Variants in CFAP97 observed in about 807,000 individuals in gnomAD.
CFAP97 encodes cilia and flagella associated protein 97.
CFAP97 carries 36 observed loss-of-function variants against 43.1 expected under a neutral mutation model. The ratio of observed to expected loss-of-function variants is 0.84; its 90% CI spans 0.64 to 1.10. The LOEUF (loss-of-function observed/expected upper bound fraction) is 1.10, where lower values mean the gene tolerates loss of function less well. Among genes scored for constraint, CFAP97 ranks in the 50% least tolerant of loss-of-function variants. CFAP97 has a pLI of 0.00. For missense variants in CFAP97, 657 were observed against 620.3 expected, an observed-to-expected ratio of 1.06 and a Z score of -0.63; for synonymous variants, 228 against 225.7, an observed-to-expected ratio of 1.01 and a Z score of -0.09.
intron 2 of CFAP97, among the ~76,000 whole-genome samples, chr4:185,189,452 C>T (rs1736136632): frequency 6.6e-6 from 1 of 152,110 alleles, no homozygotes; most frequent in African/African-American, 2.4e-5. Flanking sequence ...CTAAAACCCA[C>T]CCAGTATTAT....
intron 1 of CFAP97, among the ~76,000 whole-genome samples, chr4:185,198,885 A>G (rs1329498827): frequency 6.6e-6 from 1 of 152,234 alleles, no homozygotes; most frequent in Non-Finnish European, 1.5e-5. Flanking sequence ...TGACTACAAT[A>G]AACATCAGAT....
At chr4:185,175,397 T>C (rs1735474842) in intron 3 of CFAP97, among the ~76,000 whole-genome samples, 1 of 152,014 alleles carries the variant, frequency 6.6e-6, no homozygotes, top group African/African-American at 2.4e-5. Context: ...TTTCCAAGTA[T>C]CTGGGACCAC....
At chr4:185,163,959 ACATG>A in intron 4 of CFAP97, 66 bp downstream of exon 4, 2 of 1,395,994 alleles carry the variant, frequency 1.4e-6, no homozygotes, top group Non-Finnish European at 2.0e-6. Flanking sequence ...TATCATAATA[ACATG>A]TTACGTTTTT....
chr4:185,182,717 T>C (rs1020871997), intron 2 of CFAP97, among the ~76,000 whole-genome samples: 1 of 152,242 alleles, frequency 6.6e-6, no homozygotes, highest in Non-Finnish European at 1.5e-5. Context: ...CGTCATTCCA[T>C]GCCCTATACT....
At chr4:185,194,031 C>T (rs1218327488) in intron 1 of CFAP97, among the ~76,000 whole-genome samples, 4 of 152,180 alleles carry the variant, frequency 2.6e-5, no homozygotes, top group Non-Finnish European at 4.4e-5. Flanking sequence ...GAAATCTTGT[C>T]TGCCATCTGT....
At position 185,175,889 on chromosome 4, in the gene CFAP97, C is replaced by T. The variant is rs779476520; in HGVS notation, c.1217G>A (p.Gly406Glu). 5.6e-6 allele frequency: 9 copies of T among 1,613,782 alleles called. No homozygotes were observed. In the Admixed American group the frequency reaches 6.7e-5, roughly 12 times the overall value. Reference protein sequence around the residue: ...KELSRQAEKPGSKSTIPRSAD... With the variant: ...KELSRQAEKPESKSTIPRSAD... ...CGATCTAGGAATTGTACTTTTGCTT[C>T]CCGGCTTTTCCGCCTGTCTTGACAG... Residue 406 changes from glycine to glutamate, a missense_variant, in exon 3 of 5, where the codon GGA (glycine) becomes GAA (glutamate). Coordinates refer to ENST00000458385, the MANE Select transcript of CFAP97 (RefSeq NM_020827.3).
At chr4:185,202,474 G>C (rs77598491) in intron 1 of CFAP97, among the ~76,000 whole-genome samples, 4,606 of 152,118 alleles carry the variant, frequency 0.03, 107 homozygotes, top group Middle Eastern at 0.071. Context: ...GCTGGAACCT[G>C]GGAGCTGAGG....
rs143962968 is a variant in CFAP97 at position 185,170,532 on chromosome 4, G to A, written c.1320+5254C>T. 5.2e-3 allele frequency among the ~76,000 whole-genome samples: 792 copies of A among 151,848 alleles called. 5 individuals are homozygous for A. Among genetic ancestry groups the A allele is most frequent in the African/African-American group, 0.018 (730 of 41,466 alleles). On this transcript the variant is annotated intron_variant, in intron 3 of 4. Transcript: ENST00000458385. ...CTGCCTCAGCCTCCTGAGTAGCTGG[G>A]ATTACAGGAGCCCTGGGATTATAGG...
rs70962553 is a variant in CFAP97, at chr4:185,170,983, CAAAAAAAAAAA to C, written c.1320+4792_1320+4802del. On this transcript the variant is annotated intron_variant, in intron 3 of 4. Transcript: ENST00000458385. ...TGGGCGACAAAGCAAGACTTTGTCT[CAAAAAAAAAAA>C]AAAAAAAAAAAAAAAAAAAGAACTG... is the stretch of plus-strand genomic sequence containing the variant. 9.6e-5 allele frequency among the ~76,000 whole-genome samples: 7 copies of C among 72,964 alleles called. No individual in the cohort carries two copies. In the East Asian group the frequency reaches 2.3e-3, roughly 24 times the overall value. 47.9% of individuals were successfully genotyped at this position (72,964 alleles called of 152,430 possible). A position where few individuals can be genotyped will look rare whatever the true frequency, so the allele number is the denominator to read the frequency against.
At chr4:185,197,715 C>T (rs547993095) in intron 1 of CFAP97, among the ~76,000 whole-genome samples, 25 of 152,146 alleles carry the variant, frequency 1.6e-4, no homozygotes, top group African/African-American at 4.6e-4. Flanking sequence ...TGTGAGCCAC[C>T]GCGAAAAGTT....
At chr4:185,190,113 C>A in intron 2 of CFAP97, 30 bp downstream of exon 2, 1 of 1,475,994 alleles carries the variant, frequency 6.8e-7, no homozygotes, top group South Asian at 1.4e-5. Context: ...AATATTTAAA[C>A]ACACATTTTT....
chr4:185,164,739 C>A (rs552502514), intron 3 of CFAP97, among the ~76,000 whole-genome samples: 1 of 152,304 alleles, frequency 6.6e-6, no homozygotes, highest in East Asian at 1.9e-4. Context: ...AGGCCTAATT[C>A]TTTTGTGCCA....
chr4:185,160,090 C>T lies in CFAP97; in HGVS notation c.*2708G>A, dbSNP rs913078269. On this transcript the variant is annotated 3_prime_UTR_variant, in exon 5 of 5. Transcript: ENST00000458385. ...TAGCGGAGAGAAAACAACTGCATTA[C>T]ACTACATTTTTAAGCAAACCAAAGA... 21 of 118,338 alleles carry T rather than the reference C, an allele frequency of 1.8e-4. No individual in the cohort carries two copies. Among genetic ancestry groups the T allele is most frequent in the Admixed American group, 1.7e-3 (20 of 11,852 alleles). The allele number at this position is 118,338 out of a possible 1,614,324, so 7.3% of individuals were successfully genotyped here. A position where few individuals can be genotyped will look rare whatever the true frequency, so the allele number is the denominator to read the frequency against.
At chr4:185,176,977 A>G (rs1038056617) in intron 2 of CFAP97, among the ~76,000 whole-genome samples, 1 of 152,260 alleles carries the variant, frequency 6.6e-6, no homozygotes, top group Non-Finnish European at 1.5e-5. Context: ...AATATTTTGC[A>G]TACTATAATT....
chr4:185,192,962 G>GAT (rs1736357695), intron 1 of CFAP97, among the ~76,000 whole-genome samples: 1 of 151,906 alleles, frequency 6.6e-6, no homozygotes, highest in South Asian at 2.1e-4. Context: ...GGATGGCCTG[G>GAT]ATCTCCTGAC....
chr4:185,192,705 T>C (rs1005628490), intron 1 of CFAP97, among the ~76,000 whole-genome samples: 8 of 151,616 alleles, frequency 5.3e-5, no homozygotes, highest in Admixed American at 5.2e-4. Context: ...ACTTGACCTT[T>C]GACCTTCTTA....
intron 3 of CFAP97, among the ~76,000 whole-genome samples, chr4:185,171,278 T>A (rs2111331162): frequency 6.6e-6 from 1 of 152,096 alleles, no homozygotes; most frequent in South Asian, 2.1e-4. Flanking sequence ...GCTGGGAGGA[T>A]CACTTCAGCC....
chr4:185,176,114 T>G lies in CFAP97; in HGVS notation c.1055-63A>C, dbSNP rs77776340. On this transcript the variant is annotated intron_variant, in intron 2 of 4. Coordinates refer to ENST00000458385, the MANE Select transcript of CFAP97 (RefSeq NM_020827.3). ...AAGTAAGTATGTGGTACATGCTTTT[T>G]TTTTTTTTCTCTTTTTAGACGGAGT... The G allele has an allele frequency of 8.7e-5, 111 of 1,277,148 alleles. No individual in the cohort carries two copies. The Middle Eastern group carries it at 9.3e-4, about 11-fold the overall frequency. The allele number at this position is 1,277,148 out of a possible 1,614,324, so 79.1% of individuals were successfully genotyped here.
rs1736227294 is a variant in CFAP97 at position 185,191,018 on chromosome 4, G to C, written c.179C>G (p.Thr60Arg). 1 of 1,613,400 alleles carries C rather than the reference G, an allele frequency of 6.2e-7. No homozygotes were observed. The highest frequency in any genetic ancestry group is 8.5e-7 in the Non-Finnish European group (1 of 1,179,610). ...TCCCTTCTCAGTAAGATAATTTTCT[G>C]TTGTTTGCATTCCAGTGTTCGAATT... is the stretch of plus-strand genomic sequence containing the variant. Reference protein sequence around the residue: ...NVNSNTGMQTTENYLTEKGNE... With the variant: ...NVNSNTGMQTRENYLTEKGNE... The change falls in exon 2 of 5, where the codon ACA (threonine) becomes AGA (arginine). Residue 60 changes from threonine (T) to arginine (R), a missense_variant. Coordinates refer to ENST00000458385, the MANE Select transcript of CFAP97 (RefSeq NM_020827.3).
Sources: allele counts gnomAD v4.1 joint callset (sites outside exome capture counted in the v4.1 genomes callset), GRCh38; gene constraint gnomAD v4.1.1; transcripts MANE v1.5; gene names NCBI Gene and HGNC (gene_info 2026-07-23, HGNC 2026-07-21).